FBXO38: variants seen among roughly 807,000 people sequenced by gnomAD.
FBXO38 encodes the protein F-box protein 38.
In FBXO38, 53 loss-of-function variants were observed where a neutral mutation model predicts 131.9. The observed-to-expected ratio is 0.40, with a 90% CI of 0.32 to 0.51. The LOEUF is 0.51. Ranked by LOEUF, FBXO38 falls within the 20% of genes least tolerant of loss-of-function variation. The probability of loss-of-function intolerance (pLI) is 0.53; values close to 1 mark genes in which losing one functional copy is unlikely to be tolerated. For missense variants in FBXO38, 1,076 were observed against 1,475.6 expected, an observed-to-expected ratio of 0.73 and a Z score of 4.44; for synonymous variants, 452 against 505.6, an observed-to-expected ratio of 0.89 and a Z score of 1.42.
chr5:148,397,251 A>G (rs1163146824), intron 2 of FBXO38, among the ~76,000 whole-genome samples: 3 of 152,146 alleles, frequency 2.0e-5, no homozygotes, highest in Non-Finnish European at 2.9e-5. Flanking sequence ...TCTCTTTTCT[A>G]AAGTGTTATA....
chr5:148,400,668 T>C (rs1752093069), intron 3 of FBXO38, among the ~76,000 whole-genome samples: 1 of 152,148 alleles, frequency 6.6e-6, no homozygotes, highest in South Asian at 2.1e-4. Context: ...GGTTTACGTA[T>C]ATGATCTCTT....
chr5:148,406,239 A>AT lies in FBXO38; in HGVS notation c.731-5dup, dbSNP rs201558003. On this transcript the variant is annotated splice_polypyrimidine_tract_variant and intron_variant, in intron 6 of 21. Coordinates refer to ENST00000340253, the MANE Select transcript of FBXO38 (RefSeq NM_205836.3). Reference sequence around the variant, plus strand: ...GGCACTTTACATTGTTCTATCAAAGATTTTTTTTTTTTTCCAGGACCCACA... The same window carrying AT: ...GGCACTTTACATTGTTCTATCAAAGATTTTTTTTTTTTTTCCAGGACCCACA... 0.083 allele frequency: 91,679 copies of AT among 1,099,432 alleles called. 194 individuals are homozygous for AT. The highest frequency in any genetic ancestry group is 0.11 in the Middle Eastern group (496 of 4,576). 68.1% of individuals were successfully genotyped at this position (1,099,432 alleles called of 1,614,324 possible).
At chr5:148,395,129 T>C (rs1758413883) in intron 2 of FBXO38, among the ~76,000 whole-genome samples, 1 of 152,176 alleles carries the variant, frequency 6.6e-6, no homozygotes, top group African/African-American at 2.4e-5. Flanking sequence ...AGACAAAATA[T>C]TTCTTTTGTC....
chr5:148,414,294 A>C lies in FBXO38; in HGVS notation c.1252A>C (p.Asn418His). 1 of 1,603,704 alleles carries C rather than the reference A, an allele frequency of 6.2e-7. No homozygotes were observed. ...YNCPHLHNPY[N>H]WISDHSRWTR... ...TTGCCCTCATCTACACAACCCATAC[A>C]ATTGGATCTCAGGTATTACAGACTT... Residue 418 changes from asparagine to histidine, a missense_variant, in exon 10 of 22, where the codon AAT becomes CAT. By Grantham distance (68) the Asn-to-His change is moderately conservative. Around this residue, in one of 8 missense-constraint regions of FBXO38, gnomAD observed 146 missense variants for 274.3 expected, o/e 0.53. Transcript: ENST00000340253.
chr5:148,438,622 T>G (rs760363737), intron 18 of FBXO38, 124 bp downstream of exon 18: 118 of 1,025,774 alleles, frequency 1.2e-4, no homozygotes, highest in Non-Finnish European at 1.6e-4. Flanking sequence ...AGTAATGATA[T>G]TTTAGTTTTT....
intron 5 of FBXO38, among the ~76,000 whole-genome samples, chr5:148,404,255 A>G (rs1752317493): frequency 6.6e-6 from 1 of 152,210 alleles, no homozygotes; most frequent in South Asian, 2.1e-4. Context: ...TCTGAGAAAT[A>G]TAGTTCTCCT....
At chr5:148,417,889 C>T (rs956091392) in intron 12 of FBXO38, among the ~76,000 whole-genome samples, 1 of 152,126 alleles carries the variant, frequency 6.6e-6, no homozygotes, top group Non-Finnish European at 1.5e-5. Context: ...TTCTAGCCAT[C>T]CTTTTGTTGT....
chr5:148,427,626 T>C lies in FBXO38; in HGVS notation c.2332T>C (p.Cys778Arg), dbSNP rs770230868. Residue 778 changes from cysteine to arginine, a missense_variant, in exon 15 of 22, where the codon TGT becomes CGT. By Grantham distance (180) the Cys-to-Arg change is radical. Coordinates refer to ENST00000340253, the MANE Select transcript of FBXO38 (RefSeq NM_205836.3). Reference sequence around the variant, plus strand: ...GAGTTCTGTCTGCCCCAGATGCTGCTGTCACAGGCCCCAGGAATCCCAAAG... The same window carrying C: ...GAGTTCTGTCTGCCCCAGATGCTGCCGTCACAGGCCCCAGGAATCCCAAAG... ...AESSVCPRCC[C>R]HRPQESQRRT... 10 of 1,614,090 alleles carry C rather than the reference T, an allele frequency of 6.2e-6. No homozygotes were observed. Among genetic ancestry groups the C allele is most frequent in the Non-Finnish European group, 7.6e-6 (9 of 1,180,040 alleles).
chr5:148,402,466 A>G lies in FBXO38; in HGVS notation c.545A>G (p.Lys182Arg). The stretch of plus-strand genomic sequence containing the variant: ...GCTTTTCCAATTCCTCCTGAAAATA[A>G]ACTGAAAATTCCTATAGGAGCCAAA... ...NGAFPIPPEN[K>R]LKIPIGAKIQ... The change falls in exon 5 of 22, where the codon AAA becomes AGA. Residue 182 changes from lysine (K) to arginine (R), a missense_variant. Lys to Arg is a conservative substitution (Grantham distance 26). Around this residue, in one of 8 missense-constraint regions of FBXO38, gnomAD observed 96 missense variants for 193.9 expected, o/e 0.50. Coordinates refer to ENST00000340253, the MANE Select transcript of FBXO38 (RefSeq NM_205836.3). The G allele has an allele frequency of 1.2e-6, 2 of 1,612,544 alleles. No individual in the cohort carries two copies. The highest frequency in any genetic ancestry group is 1.7e-6 in the Non-Finnish European group (2 of 1,179,268).
At chr5:148,433,817 A>G (rs1350769848) in intron 17 of FBXO38, 80 bp downstream of exon 17, 3 of 700,706 alleles carry the variant, frequency 4.3e-6, no homozygotes, top group Admixed American at 2.7e-5. Flanking sequence ...CTGTAATAGC[A>G]TTACTGTCTT....
At chr5:148,391,499 G>C (rs1758191701) in intron 1 of FBXO38, among the ~76,000 whole-genome samples, 1 of 152,140 alleles carries the variant, frequency 6.6e-6, no homozygotes, top group Non-Finnish European at 1.5e-5. Flanking sequence ...AGGCAAAGTA[G>C]GGAAAAGAAG....
In FBXO38 at chr5:148,404,706, C is replaced by G; in HGVS notation, c.614C>G (p.Pro205Arg). ...HLVGVNVPEI[P>R]CIPMLRHLYM... ...TTAGGGGTGAATGTTCCTGAAATTC[C>G]TTGTATCCCAATGCTAAGGCACCTT... is the stretch of plus-strand genomic sequence containing the variant. Residue 205 changes from proline (P) to arginine (R), a missense_variant, in exon 6 of 22, where the codon CCT (proline) becomes CGT (arginine). By Grantham distance (103) the Pro-to-Arg change is moderately radical. This residue lies in a region of FBXO38 where 66 missense variants were observed against 72.4 expected (regional missense o/e 0.91). Transcript: ENST00000340253. 1.3e-6 allele frequency: 2 copies of G among 1,580,516 alleles called. No homozygotes were observed. The highest frequency in any genetic ancestry group is 1.7e-6 in the Non-Finnish European group (2 of 1,165,952).
intron 1 of FBXO38, among the ~76,000 whole-genome samples, chr5:148,390,828 A>C (rs1379446442): frequency 6.6e-6 from 1 of 152,180 alleles, no homozygotes; most frequent in Non-Finnish European, 1.5e-5. Context: ...AATCCTAAGG[A>C]ACAATCAAAG....
chr5:148,423,208 T>C (rs1266934391), intron 12 of FBXO38, among the ~76,000 whole-genome samples: 6 of 152,162 alleles, frequency 3.9e-5, no homozygotes, highest in Admixed American at 3.9e-4. Context: ...TGCATCCTCT[T>C]TAAGAGCAAG....
chr5:148,437,035 C>T (rs1045199263), intron 17 of FBXO38, among the ~76,000 whole-genome samples: 5 of 152,226 alleles, frequency 3.3e-5, no homozygotes, highest in South Asian at 4.1e-4. Flanking sequence ...CTCTGCCAGT[C>T]GGCATCTCGT....
chr5:148,397,184 CAAGAAA>C (rs1758525198), intron 2 of FBXO38, among the ~76,000 whole-genome samples: 5 of 152,078 alleles, frequency 3.3e-5, no homozygotes, highest in Admixed American at 3.3e-4. Flanking sequence ...CTTCATAAAA[CAAGAAA>C]AACTATGGCC....
chr5:148,407,974 A>G (rs1581246680), intron 7 of FBXO38, among the ~76,000 whole-genome samples: 3 of 152,228 alleles, frequency 2.0e-5, no homozygotes, highest in African/African-American at 7.2e-5. Flanking sequence ...AGAATGGGAG[A>G]AGCTGTTTGC....
chr5:148,388,488 T>C (rs1020356791), intron 1 of FBXO38, among the ~76,000 whole-genome samples: 2 of 152,248 alleles, frequency 1.3e-5, no homozygotes, highest in African/African-American at 2.4e-5. Flanking sequence ...TGTTGTGTAG[T>C]GTAGCTACTT....
At chr5:148,396,732 A>T (rs188406044) in intron 2 of FBXO38, among the ~76,000 whole-genome samples, 1 of 152,116 alleles carries the variant, frequency 6.6e-6, no homozygotes, top group Non-Finnish European at 1.5e-5. Context: ...GGCTTAAGCA[A>T]TCCTTTTGCC....
Sources: gnomAD v4.1 joint callset for allele counts (sites outside exome capture counted in the v4.1 genomes callset) on GRCh38, gnomAD v4.1.1 for gene constraint, gnomAD v4.1.1 regional missense constraint, MANE v1.5 for transcripts, NCBI Gene and HGNC (gene_info 2026-07-23, HGNC 2026-07-21) for gene names.